Variants in DTNA observed in about 807,000 individuals in gnomAD.
The protein encoded by DTNA is dystrobrevin alpha.
A neutral mutation model predicts 100.7 loss-of-function variants in DTNA; 43 were observed. The observed-to-expected ratio is 0.43, with a 90% CI of 0.33 to 0.55. The LOEUF is 0.55. DTNA is among the 20% of genes least tolerant of loss of function. The pLI, the probability that DTNA is intolerant of heterozygous loss-of-function variation, is 0.04. For missense variants in DTNA, 798 were observed against 953.9 expected (o/e 0.84, Z 2.15); for synonymous variants, 349 against 347.9 (o/e 1.00, Z -0.04).
rs1555778803 is a variant in DTNA at position 34,766,041 on chromosome 18, T to G, written c.148T>G (p.Leu50Val). The G allele has an allele frequency of 1.2e-6, 2 of 1,613,634 alleles. No homozygotes were observed. The highest frequency in any genetic ancestry group is 1.7e-6 in the Non-Finnish European group (2 of 1,179,656). Residue 50 changes from leucine (L) to valine (V), a missense_variant and splice_region_variant, in exon 3 of 23, where the codon TTG (leucine) becomes GTG (valine). Leu to Val is a conservative substitution (Grantham distance 32). Transcript: ENST00000444659. ...KLRFVQKKCN[L>V]HLVDIWNVIE... The stretch of plus-strand genomic sequence containing the variant: ...TAGGTTTGTTCAGAAGAAATGCAAT[T>G]GTAAGTATGCCAGTTGTTTGGACTA...
chr18:34,506,909 C>G (rs1381071989), intron 1 of DTNA, among the ~76,000 whole-genome samples: 1 of 152,124 alleles, frequency 6.6e-6, no homozygotes, highest in Admixed American at 6.5e-5. Context: ...GAAGCAAAAG[C>G]CCAATCTATA....
intron 13 of DTNA, among the ~76,000 whole-genome samples, chr18:34,845,728 G>T (rs2096365589): frequency 6.6e-6 from 1 of 152,154 alleles, no homozygotes; most frequent in Admixed American, 6.5e-5. Context: ...AAAGAATTTA[G>T]TTATTATTTT....
intron 1 of DTNA, among the ~76,000 whole-genome samples, chr18:34,703,609 C>T (rs548424262): frequency 6.6e-6 from 1 of 152,254 alleles, no homozygotes; most frequent in Admixed American, 6.5e-5. Flanking sequence ...GAGCATGCCT[C>T]CCAGATTGAC....
At chr18:34,554,067 G>A (rs1236031948) in intron 1 of DTNA, among the ~76,000 whole-genome samples, 1 of 138,310 alleles carries the variant, frequency 7.2e-6, no homozygotes, top group Admixed American at 7.2e-5. Flanking sequence ...GCAGTGGTTT[G>A]TAGTTCTCCT....
intron 1 of DTNA, among the ~76,000 whole-genome samples, chr18:34,613,789 G>A (rs189786600): frequency 1.1e-3 from 167 of 152,326 alleles, no homozygotes; most frequent in African/African-American, 3.8e-3. Context: ...CATAACTAAC[G>A]TAACAGAACA....
chr18:34,674,314 C>T (rs2077136869), intron 1 of DTNA, among the ~76,000 whole-genome samples: 1 of 152,170 alleles, frequency 6.6e-6, no homozygotes, highest in African/African-American at 2.4e-5. Context: ...AAGAAATAAG[C>T]TATGCCCTTA....
intron 1 of DTNA, among the ~76,000 whole-genome samples, chr18:34,723,883 GA>G (rs370015226): frequency 3.4e-4 from 52 of 151,542 alleles, no homozygotes; most frequent in Middle Eastern, 6.8e-3. Context: ...TAGGCAACAA[GA>G]GCGAGATTCT....
At chr18:34,534,306 C>T (rs2043461507) in intron 1 of DTNA, among the ~76,000 whole-genome samples, 1 of 151,982 alleles carries the variant, frequency 6.6e-6, no homozygotes. Context: ...GGCTTATGTG[C>T]CAGTCACTTA....
chr18:34,623,736 G>A (rs1012396575), intron 1 of DTNA, among the ~76,000 whole-genome samples: 2 of 152,206 alleles, frequency 1.3e-5, no homozygotes, highest in Non-Finnish European at 2.9e-5. Flanking sequence ...CTAAGAGTAG[G>A]CTAATGGTTC....
Position 34,820,895 on chromosome 18 carries a change from A to G in DTNA, c.981A>G (p.Pro327=). 3.1e-6 allele frequency: 5 copies of G among 1,614,066 alleles called. No homozygotes were observed. In the South Asian group the frequency reaches 4.4e-5, roughly 14 times the overall value. ...TGTTCCCAGATCAGCCTGAGAAGCC[A>G]CTCAACTTGGCTCACATCGTGTGAG... ...HPMFPDQPEK[P]LNLAHIVPPR... The change falls in exon 9 of 23, where the codon CCA becomes CCG. Residue 327 remains proline (P), a synonymous_variant. Coordinates refer to ENST00000444659, the MANE Select transcript of DTNA (RefSeq NM_001386795.1).
chr18:34,595,870 C>A (rs2050493602), intron 1 of DTNA, among the ~76,000 whole-genome samples: 1 of 152,150 alleles, frequency 6.6e-6, no homozygotes, highest in East Asian at 1.9e-4. Flanking sequence ...TCCTGATGTT[C>A]CCTGAATCAC....
At chr18:34,729,524 G>C (rs2087570220) in intron 1 of DTNA, among the ~76,000 whole-genome samples, 1 of 152,192 alleles carries the variant, frequency 6.6e-6, no homozygotes. Context: ...GAAGAGAACA[G>C]GACGTCTGAG....
At chr18:34,754,390 G>A (rs1601485357) in intron 1 of DTNA, among the ~76,000 whole-genome samples, 1 of 152,208 alleles carries the variant, frequency 6.6e-6, no homozygotes, top group East Asian at 1.9e-4. Flanking sequence ...TTACCTCATT[G>A]TGTCTTAATT....
chr18:34,701,247 GT>G (rs2081325537), intron 1 of DTNA, among the ~76,000 whole-genome samples: 1 of 152,044 alleles, frequency 6.6e-6, no homozygotes, highest in South Asian at 2.1e-4. Context: ...TCCTTCTCCT[GT>G]TCCTCAACAT....
intron 1 of DTNA, among the ~76,000 whole-genome samples, chr18:34,658,654 T>C (rs1326738526): frequency 6.6e-6 from 1 of 152,146 alleles, no homozygotes. Context: ...AATGTGGCCT[T>C]TATCAAAATC....
At chr18:34,622,916 G>T (rs1346149643) in intron 1 of DTNA, among the ~76,000 whole-genome samples, 2 of 151,990 alleles carry the variant, frequency 1.3e-5, no homozygotes, top group Non-Finnish European at 2.9e-5. Flanking sequence ...TAATAATGCC[G>T]GTTTGTTTAA....
chr18:34,546,508 C>G (rs2044791699), intron 1 of DTNA, among the ~76,000 whole-genome samples: 1 of 152,048 alleles, frequency 6.6e-6, no homozygotes, highest in Non-Finnish European at 1.5e-5. Flanking sequence ...TTGACTGACT[C>G]TATGCTAGTA....
At chr18:34,701,813 A>G (rs1385036199) in intron 1 of DTNA, among the ~76,000 whole-genome samples, 1 of 152,004 alleles carries the variant, frequency 6.6e-6, no homozygotes, top group Non-Finnish European at 1.5e-5. Flanking sequence ...TGTCCATTCT[A>G]CCTTCAAAAT....
chr18:34,841,378 T>C (rs1017816206), intron 13 of DTNA, among the ~76,000 whole-genome samples: 2 of 152,158 alleles, frequency 1.3e-5, no homozygotes, highest in Non-Finnish European at 2.9e-5. Flanking sequence ...TTAGCAAATA[T>C]TTTGAGCACA....
Sources: allele counts gnomAD v4.1 joint callset (sites outside exome capture counted in the v4.1 genomes callset), GRCh38; gene constraint gnomAD v4.1.1; transcripts MANE v1.5; gene names NCBI Gene and HGNC (gene_info 2026-07-23, HGNC 2026-07-21).